Variants in HLA-C observed in about 807,000 individuals in gnomAD.
HLA-C encodes HLA class I histocompatibility antigen, C alpha chain.
In HLA-C, 15 loss-of-function variants were observed where a neutral mutation model predicts 36.9. That is an observed-to-expected ratio of 0.41 (90% confidence interval 0.27 to 0.63). The LOEUF (loss-of-function observed/expected upper bound fraction) is 0.63. HLA-C is among the 20% of genes least tolerant of loss of function. The probability of loss-of-function intolerance (pLI) is 0.35; values close to 1 mark genes in which losing one functional copy is unlikely to be tolerated. For synonymous variants in HLA-C, 104 were observed against 174.3 expected (o/e 0.60, Z 3.18); for missense variants, 272 against 400.4 (o/e 0.68, Z 2.74).
chr6:31,269,794 A>G lies in HLA-C; in HGVS notation c.1015+172T>C, dbSNP rs72558157. 1.0e-3 allele frequency: 312 copies of G among 311,696 alleles called. 48 individuals carry two copies. The highest frequency in any genetic ancestry group is 6.2e-3 in the Middle Eastern group (5 of 808). 19.3% of individuals were successfully genotyped at this position (311,696 alleles called of 1,614,324 possible). ...CATCAAGGTGATACATCCGTCCTTC[A>G]TTGTCACATGTGCTTCACAAAAGAG... On this transcript the variant is annotated intron_variant, in intron 5 of 7. Coordinates refer to ENST00000376228, the Ensembl canonical transcript of HLA-C.
At position 31,270,287 on chromosome 6, in the gene HLA-C, AC is replaced by A; in HGVS notation, c.817del (p.Val273CysfsTer24). The A allele has an allele frequency of 1.1e-6, 1 of 880,862 alleles. No homozygotes were observed. Among genetic ancestry groups the A allele is most frequent in the African/African-American group, 3.5e-5 (1 of 28,452 alleles). 54.6% of individuals were successfully genotyped at this position (880,862 alleles called of 1,614,324 possible). ...GTATCTCTGCTCTTGTCCAGAAGGC[AC>A]CACCACAGCTGCCCACTTCTGGAAG... On this transcript the variant is annotated frameshift_variant, in exon 4 of 8. Transcript: ENST00000376228. LOFTEE classifies it high-confidence loss of function.
intron 5 of HLA-C, 120 bp downstream of exon 5, chr6:31,269,846 C>T: frequency 2.3e-6 from 1 of 434,340 alleles, no homozygotes; most frequent in Non-Finnish European, 3.2e-6. Flanking sequence ...GGGTCCCAGG[C>T]TGGGATGGCC....
exon 8 of HLA-C, chr6:31,269,027 G>A (rs567563075): frequency 1.4e-6 from 1 of 712,012 alleles, no homozygotes; most frequent in Non-Finnish European, 2.5e-6. Context: ...GGGGTGGGCT[G>A]TCTCTCCACC....
chr6:31,271,337 G>T lies in HLA-C; in HGVS notation c.355C>A (p.Leu119Ile), dbSNP rs1071649. ...AGGTCGCAGCCAGACATCCTCTGGA[G>T]GGTGTGAGACCCTGGCCCCGCCCCC... is the stretch of plus-strand genomic sequence containing the variant. Residue 119 changes from leucine to isoleucine, a missense_variant, in exon 3 of 8, where the codon CTC becomes ATC. By Grantham distance (5) the Leu-to-Ile change is conservative. Around this residue, in one of 8 missense-constraint regions of HLA-C, gnomAD observed 72 missense variants for 53.4 expected, o/e 1.35. Transcript: ENST00000376228. 8,504 of 965,858 alleles carry T rather than the reference G, an allele frequency of 8.8e-3. 713 individuals carry two copies. The highest frequency in any genetic ancestry group is 0.051 in the South Asian group (3,007 of 59,128). 59.8% of individuals were successfully genotyped at this position (965,858 alleles called of 1,614,324 possible). A position where few individuals can be genotyped will look rare whatever the true frequency, so the allele number is the denominator to read the frequency against.
exon 8 of HLA-C, chr6:31,268,969 G>A (rs930469212): frequency 1.4e-5 from 8 of 570,376 alleles, no homozygotes; most frequent in African/African-American, 3.8e-5. Flanking sequence ...AAAGATGATC[G>A]GGGAGGGAAC....
At chr6:31,272,045 G>A (rs1388520044) in exon 1 of HLA-C, 1 of 1,028,866 alleles carries the variant, frequency 9.7e-7, no homozygotes, top group African/African-American at 2.5e-5. Flanking sequence ...GCAGCAGGAG[G>A]AGGGCTCGGG....
At position 31,271,103 on chromosome 6, in the gene HLA-C, C is replaced by A; in HGVS notation, c.589G>T (p.Glu197Ter). ...CGCTGCAGCGTCTCCTTCCCGTTCT[C>A]CAGGTATCTGCGGAGCCACTCCACG... The change falls in exon 3 of 8, where the codon GAG becomes TAG. Residue 197 changes from glutamate to a stop codon, truncating the protein, a stop_gained. Transcript: ENST00000376228. LOFTEE classifies it high-confidence loss of function. The A allele has an allele frequency of 2.7e-6, 3 of 1,129,968 alleles. No individual in the cohort carries two copies. Among genetic ancestry groups the A allele is most frequent in the South Asian group, 1.4e-5 (1 of 70,094 alleles). 70.0% of individuals were successfully genotyped at this position (1,129,968 alleles called of 1,614,324 possible). A position where few individuals can be genotyped will look rare whatever the true frequency, so the allele number is the denominator to read the frequency against.
In HLA-C at chr6:31,271,307, GC is replaced by G. The variant is rs1761325772; in HGVS notation, c.384del (p.Asp130ThrfsTer21). 10 of 1,104,624 alleles carry G rather than the reference GC, an allele frequency of 9.1e-6. No individual in the cohort carries two copies. The highest frequency in any genetic ancestry group is 9.6e-6 in the Non-Finnish European group (8 of 834,016). The allele number at this position is 1,104,624 out of a possible 1,614,324, so 68.4% of individuals were successfully genotyped here. ...TACCCGCGGAGGAGGCGCCCGTCGG[GC>G]CCCAGGTCGCAGCCAGACATCCTCT... is the stretch of plus-strand genomic sequence containing the variant. On this transcript the variant is annotated frameshift_variant, in exon 3 of 8. Coordinates refer to ENST00000376228, the Ensembl canonical transcript of HLA-C. LOFTEE classifies it high-confidence loss of function.
intron 7 of HLA-C, 54 bp downstream of exon 7, chr6:31,269,284 C>A (rs2894204): frequency 2.8e-6 from 2 of 722,680 alleles, no homozygotes; most frequent in Admixed American, 3.7e-5. Context: ...CCCCATTACC[C>A]AGGCCTTTTC....
chr6:31,271,919 TC>T, intron 1 of HLA-C, 51 bp from the exon 2 acceptor site: 1 of 1,162,406 alleles, frequency 8.6e-7, no homozygotes, highest in Non-Finnish European at 1.1e-6. Flanking sequence ...CCTGCGCGGC[TC>T]CCCGGGTCCT....
intron 2 of HLA-C, 106 bp downstream of exon 2, chr6:31,271,493 G>A: frequency 1.4e-6 from 1 of 727,594 alleles, no homozygotes; most frequent in Non-Finnish European, 1.8e-6. Context: ...GGGTTCCGCA[G>A]ATCCACCTTG....
chr6:31,271,837 G>T (rs1050444), exon 2 of HLA-C: 2 of 1,269,790 alleles, frequency 1.6e-6, no homozygotes, highest in Non-Finnish European at 2.1e-6. Flanking sequence ...GCCGGGACAC[G>T]GCGGTGTCGA....
At position 31,271,743 on chromosome 6, in the gene HLA-C, G is replaced by A. The variant is rs12721931; in HGVS notation, c.199C>T (p.Pro67Ser). 44 of 1,428,698 alleles carry A rather than the reference G, an allele frequency of 3.1e-5. 4 individuals are homozygous for A. Among genetic ancestry groups the A allele is most frequent in the Non-Finnish European group, 4.0e-5 (42 of 1,061,044 alleles). 88.5% of individuals were successfully genotyped at this position (1,428,698 alleles called of 1,614,324 possible). A position where few individuals can be genotyped will look rare whatever the true frequency, so the allele number is the denominator to read the frequency against. The change falls in exon 2 of 8, where the codon CCG becomes TCG. Residue 67 changes from proline (P) to serine (S), a missense_variant. Physicochemically the swap from Pro to Ser is moderately conservative, Grantham distance 74 (BLOSUM62 -1). Around this residue, in one of 8 missense-constraint regions of HLA-C, gnomAD observed 37 missense variants for 28.9 expected, o/e 1.28. Transcript: ENST00000376228. Reference sequence around the variant, plus strand: ...CACGGCGCCCGCGGCTCCCCTCTCGGACTCGCGGCGTCGCTGTCGAACCGC... The same window carrying A: ...CACGGCGCCCGCGGCTCCCCTCTCGAACTCGCGGCGTCGCTGTCGAACCGC...
chr6:31,268,964 T>A, exon 8 of HLA-C: 1 of 552,296 alleles, frequency 1.8e-6, no homozygotes, highest in South Asian at 2.2e-5. Context: ...ACAGGAAAGA[T>A]GATCGGGGAG....
chr6:31,271,707 C>T (rs77429690), exon 2 of HLA-C: 1 of 1,514,330 alleles, frequency 6.6e-7, no homozygotes, highest in Non-Finnish European at 8.9e-7. Flanking sequence ...TCCGGCCCCT[C>T]CTGCTCCACC....
exon 3 of HLA-C, chr6:31,271,106 G>C (rs281860539): frequency 8.8e-7 from 1 of 1,136,882 alleles, no homozygotes. Context: ...CCGTTCTCCA[G>C]GTATCTGCGG....
Position 31,271,733 on chromosome 6 carries a change from TC to T in HLA-C, c.208del (p.Glu70SerfsTer31). ...CTGCTCCACCCACGGCGCCCGCGGC[TC>T]CCCTCTCGGACTCGCGGCGTCGCTG... is the stretch of plus-strand genomic sequence containing the variant. On this transcript the variant is annotated frameshift_variant, in exon 2 of 8. Coordinates refer to ENST00000376228, the Ensembl canonical transcript of HLA-C. LOFTEE classifies it high-confidence loss of function. 2.7e-6 allele frequency: 4 copies of T among 1,461,418 alleles called. No homozygotes were observed. The highest frequency in any genetic ancestry group is 2.8e-6 in the Non-Finnish European group (3 of 1,081,510). The allele number at this position is 1,461,418 out of a possible 1,614,324, so 90.5% of individuals were successfully genotyped here. A position where few individuals can be genotyped will look rare whatever the true frequency, so the allele number is the denominator to read the frequency against.
chr6:31,270,665 G>C, intron 3 of HLA-C, 180 bp from the exon 4 acceptor site: 1 of 461,772 alleles, frequency 2.2e-6, no homozygotes. Context: ...GAAAGTTCTA[G>C]TCTCTGAGGG....
Position 31,269,338 on chromosome 6 carries a change from C to A in HLA-C, c.1096G>T (p.Ala366Ser). ...CCACTTCAGCTCCCCAGAATCTCACCTTTACAAGTGATGAGAGACTCATCA... is the reference window on the plus strand; with the variant it reads ...CCACTTCAGCTCCCCAGAATCTCACATTTACAAGTGATGAGAGACTCATCA... The change falls in exon 7 of 8, where the codon GCC becomes TCC. Residue 366 changes from alanine (A) to serine (S), a missense_variant and splice_region_variant. Coordinates refer to ENST00000376228, the Ensembl canonical transcript of HLA-C. 3 of 903,164 alleles carry A rather than the reference C, an allele frequency of 3.3e-6. 1 individual carries two copies. Among genetic ancestry groups the A allele is most frequent in the Non-Finnish European group, 4.3e-6 (3 of 693,546 alleles). The allele number at this position is 903,164 out of a possible 1,614,324, so 55.9% of individuals were successfully genotyped here.
Sources: gnomAD v4.1 joint callset for allele counts on GRCh38, gnomAD v4.1.1 for gene constraint, gnomAD v4.1.1 regional missense constraint, MANE v1.5 for transcripts, NCBI Gene and HGNC (gene_info 2026-07-23, HGNC 2026-07-21) for gene names.